The following TEX10 variants were observed in gnomAD, a reference collection of about 807,000 sequenced individuals.
TEX10 encodes the protein testis expressed 10, also known as testis-expressed protein 10.
TEX10 carries 24 observed loss-of-function variants against 104.4 expected under a neutral mutation model. That is an observed-to-expected ratio of 0.23 (90% CI 0.17 to 0.32). TEX10 has a LOEUF of 0.32. TEX10 is among the 10% of genes least tolerant of loss of function. The pLI is 1.00. For missense variants in TEX10, 921 were observed against 1,083.9 expected (o/e 0.85, Z 2.11); for synonymous variants, 396 against 393.4 (o/e 1.01, Z -0.08).
chr9:100,323,201 A>G (rs117622161), intron 9 of TEX10, among the ~76,000 whole-genome samples: 3,676 of 152,340 alleles, frequency 0.024, 74 homozygotes, highest in Non-Finnish European at 0.036. Context: ...GTGAAAAGTG[A>G]TAAATGACAA....
chr9:100,306,986 C>T (rs1834158232), intron 13 of TEX10: 1 of 152,198 alleles, frequency 6.6e-6, no homozygotes, highest in Non-Finnish European at 1.5e-5. Context: ...TATAAAATCT[C>T]TAGAACCCTG....
rs143072375 is a variant in TEX10 at position 100,321,690 on chromosome 9, T to C, written c.2061A>G (p.Thr687=). The part of the protein sequence containing the change: ...DVDYFSFLFS[T]LTGFSKEELT... ...GCAAGTGAATGTGGTTACCTGTAAGTGTGGAAAATAAGAAGCTGAAATAGT... is the reference window on the plus strand; with the variant it reads ...GCAAGTGAATGTGGTTACCTGTAAGCGTGGAAAATAAGAAGCTGAAATAGT... Residue 687 remains threonine, a synonymous_variant, in exon 10 of 15, where the codon ACA becomes ACG. Transcript: ENST00000374902. 4.4e-5 allele frequency: 71 copies of C among 1,611,188 alleles called. No individual in the cohort carries two copies. The highest frequency in any genetic ancestry group is 5.7e-5 in the Non-Finnish European group (67 of 1,179,028).
rs1262655126 is a variant in TEX10, at chr9:100,352,767, C to G, written c.-10+5G>C. 8.8e-7 allele frequency: 1 copy of G among 1,135,406 alleles called. No individual in the cohort carries two copies. The highest frequency in any genetic ancestry group is 1.1e-6 in the Non-Finnish European group (1 of 928,004). The allele number at this position is 1,135,406 out of a possible 1,614,324, so 70.3% of individuals were successfully genotyped here. ...GACCCGGCCCGACGGGCGACGGCCG[C>G]TTACCTGAGGACCCGGCCGCGGCCG... On this transcript the variant is annotated splice_donor_5th_base_variant and intron_variant, in intron 1 of 14. Transcript: ENST00000374902.
At chr9:100,326,156 C>G in intron 9 of TEX10, 146 bp downstream of exon 9, 5 of 781,854 alleles carry the variant, frequency 6.4e-6, no homozygotes, top group Non-Finnish European at 9.7e-6. Flanking sequence ...TGAACTTACT[C>G]TACCTAGTGA....
chr9:100,318,326 A>T (rs764840087), intron 11 of TEX10, among the ~76,000 whole-genome samples: 15 of 152,254 alleles, frequency 9.9e-5, no homozygotes, highest in Non-Finnish European at 1.9e-4. Context: ...ATATGGATAT[A>T]ACGGAAGGCC....
At chr9:100,341,749 G>A (rs1451767096) in intron 4 of TEX10, among the ~76,000 whole-genome samples, 1 of 152,166 alleles carries the variant, frequency 6.6e-6, no homozygotes, top group Non-Finnish European at 1.5e-5. Context: ...GTTTCAAAAT[G>A]ATACAGGAAG....
chr9:100,322,935 G>A (rs1215249618), intron 9 of TEX10, among the ~76,000 whole-genome samples: 2 of 152,124 alleles, frequency 1.3e-5, no homozygotes, highest in Non-Finnish European at 2.9e-5. Context: ...TTCTTAAGGA[G>A]GGGACAGGCA....
chr9:100,349,521 C>T, intron 1 of TEX10, 149 bp from the exon 2 acceptor site: 1 of 561,416 alleles, frequency 1.8e-6, no homozygotes, highest in South Asian at 4.3e-5. Context: ...TTAAAAAATG[C>T]TGTTAAGAAC....
chr9:100,347,450 G>T (rs199510334), intron 2 of TEX10, 44 bp from the exon 3 acceptor site: 1 of 1,403,024 alleles, frequency 7.1e-7, no homozygotes, highest in South Asian at 1.5e-5. Flanking sequence ...TTATATACAT[G>T]TATCAATTTC....
rs141052161 is a variant in TEX10 at position 100,303,600 on chromosome 9, T to C, written c.2676+32A>G. ...CGTCATAAATTCATTCTTATGCTAA[T>C]ACTGCAAAGCCTCCGGTACCATGCT... On this transcript the variant is annotated intron_variant, in intron 14 of 14. Coordinates refer to ENST00000374902, the MANE Select transcript of TEX10 (RefSeq NM_017746.4). 9.2e-5 allele frequency: 148 copies of C among 1,609,826 alleles called. No homozygotes were observed. The African/African-American group carries it at 1.7e-3, about 18-fold the overall frequency.
chr9:100,308,627 A>G lies in TEX10; in HGVS notation c.2338T>C (p.Cys780Arg), dbSNP rs781416534. The G allele has an allele frequency of 6.2e-7, 1 of 1,611,142 alleles. No individual in the cohort carries two copies. The highest frequency in any genetic ancestry group is 8.5e-7 in the Non-Finnish European group (1 of 1,178,632). ...STAGCVFGVI[C>R]KLLDHTCVVS... is the part of the protein sequence containing the mutation. Reference sequence around the variant, plus strand: ...ACACAAGTATGATCCAGGAGCTTACAGATAACACCAAAAACACAGCCAGCC... The same window carrying G: ...ACACAAGTATGATCCAGGAGCTTACGGATAACACCAAAAACACAGCCAGCC... The change falls in exon 13 of 15, where the codon TGT becomes CGT. Residue 780 changes from cysteine (C) to arginine (R), a missense_variant. By Grantham distance (180) the Cys-to-Arg change is radical. Transcript: ENST00000374902.
intron 11 of TEX10, among the ~76,000 whole-genome samples, chr9:100,318,519 CA>C (rs1158976880): frequency 6.6e-6 from 1 of 152,120 alleles, no homozygotes; most frequent in Admixed American, 6.5e-5. Flanking sequence ...GTACAGTGTA[CA>C]TTGTTGGGTG....
At chr9:100,321,524 T>A (rs1467728091) in intron 10 of TEX10, among the ~76,000 whole-genome samples, 159 bp downstream of exon 10, 1 of 152,166 alleles carries the variant, frequency 6.6e-6, no homozygotes, top group African/African-American at 2.4e-5. Flanking sequence ...TTAGAAATAT[T>A]CTTTCGATTT....
At position 100,321,780 on chromosome 9, in the gene TEX10, A is replaced by T; in HGVS notation, c.1980-9T>A. On this transcript the variant is annotated splice_polypyrimidine_tract_variant and intron_variant, in intron 9 of 14. Transcript: ENST00000374902. The stretch of plus-strand genomic sequence containing the variant: ...ACCCAGAAAATGATGATCTATAAAA[A>T]ACAAAGGGAGAACTATTACCAGAAG... The T allele has an allele frequency of 6.2e-7, 1 of 1,607,352 alleles. No homozygotes were observed. Among genetic ancestry groups the T allele is most frequent in the Non-Finnish European group, 8.5e-7 (1 of 1,175,760 alleles).
At position 100,303,751 on chromosome 9, in the gene TEX10, C is replaced by T. The variant is rs1226335367; in HGVS notation, c.2557G>A (p.Gly853Arg). The T allele has an allele frequency of 4.3e-6, 7 of 1,613,942 alleles. No individual in the cohort carries two copies. In the East Asian group the frequency reaches 1.6e-4, roughly 36 times the overall value. ...CCCACAACAGGCAGCTCCTCAGGCC[C>T]AACTCTGTTCACCCGCAGGCTCTGC... ...MLQSLRVNRV[G>R]PEELPVVGQL... The change falls in exon 14 of 15, where the codon GGG becomes AGG. Residue 853 changes from glycine (G) to arginine (R), a missense_variant. Around this residue, in one of 3 missense-constraint regions of TEX10, gnomAD observed 753 missense variants for 868.4 expected, o/e 0.87. Coordinates refer to ENST00000374902, the MANE Select transcript of TEX10 (RefSeq NM_017746.4).
intron 12 of TEX10, 71 bp from the exon 13 acceptor site, chr9:100,308,752 G>A (rs552666828): frequency 1.5e-6 from 2 of 1,321,432 alleles, no homozygotes; most frequent in African/African-American, 1.5e-5. Flanking sequence ...ACCAAAACCT[G>A]TTAATTCACG....
chr9:100,339,275 G>GTATATATATA (rs1281859664), intron 5 of TEX10, among the ~76,000 whole-genome samples: 13 of 72,796 alleles, frequency 1.8e-4, no homozygotes, highest in African/African-American at 5.6e-4. Context: ...AAAAAAAAAA[G>GTATATATATA]TATATATATA....
Position 100,348,750 on chromosome 9 carries a change from C to T in TEX10, c.180+434G>A, listed in dbSNP as rs376381441. On this transcript the variant is annotated intron_variant, in intron 2 of 14. Transcript: ENST00000374902. The stretch of plus-strand genomic sequence containing the variant: ...GCAACATATTGCAACCTTGCCTCCA[C>T]AAAAAAATAAATTAGCCAGGCATGG... Among the ~76,000 whole-genome samples, 26 of 152,050 alleles carry T rather than the reference C, an allele frequency of 1.7e-4. No individual in the cohort carries two copies. In the South Asian group the frequency reaches 5.2e-3, roughly 30 times the overall value.
chr9:100,352,559 G>A lies in TEX10; in HGVS notation c.-10+213C>T, dbSNP rs534415480. ...ACCAGGCGAACCCGCCCAGTCACCTGAAGCTCCGCAAACGCCCTAGGGGGT... is the reference window on the plus strand; with the variant it reads ...ACCAGGCGAACCCGCCCAGTCACCTAAAGCTCCGCAAACGCCCTAGGGGGT... On this transcript the variant is annotated intron_variant, in intron 1 of 14. Coordinates refer to ENST00000374902, the MANE Select transcript of TEX10 (RefSeq NM_017746.4). 2,013 of 1,541,202 alleles carry A rather than the reference G, an allele frequency of 1.3e-3. 3 individuals are homozygous for A. Among genetic ancestry groups the A allele is most frequent in the Non-Finnish European group, 1.6e-3 (1,853 of 1,143,590 alleles).
Sources: allele counts gnomAD v4.1 joint callset (sites outside exome capture counted in the v4.1 genomes callset), GRCh38; gene constraint gnomAD v4.1.1; regional missense constraint gnomAD v4.1.1; transcripts MANE v1.5; gene names NCBI Gene and HGNC (gene_info 2026-07-23, HGNC 2026-07-21).